NDUFA3: variants seen among roughly 807,000 people sequenced by gnomAD.
NDUFA3 encodes NADH:ubiquinone oxidoreductase subunit A3.
A neutral mutation model predicts 11.4 loss-of-function variants in NDUFA3; 10 were observed. The ratio of observed to expected loss-of-function variants is 0.87; its 90% CI spans 0.54 to 1.48. The LOEUF is 1.48. Among genes scored for constraint, NDUFA3 ranks in the 40% most tolerant of loss-of-function variants. The pLI is 0.00. For missense variants in NDUFA3, 115 were observed against 110.5 expected (o/e 1.04, Z -0.18); for synonymous variants, 39 against 46.9 (o/e 0.83, Z 0.68).
chr19:54,103,185 C>G lies in NDUFA3; in HGVS notation c.82C>G (p.Leu28Val). 1 of 1,596,326 alleles carries G rather than the reference C, an allele frequency of 6.3e-7. No homozygotes were observed. Among genetic ancestry groups the G allele is most frequent in the East Asian group, 2.2e-5 (1 of 44,590 alleles). Residue 28 changes from leucine (L) to valine (V), a missense_variant, in exon 2 of 4, where the codon CTC becomes GTC. By Grantham distance (32) the Leu-to-Val change is conservative (BLOSUM62 1). Transcript: ENST00000485876. ...VLVVSFVVGG[L>V]AVILPPLSPY... ...GGTCGTGTCCTTCGTCGTCGGGGGC[C>G]TCGGTGCGTGAGTGCTCCAGGCGCA... is the stretch of plus-strand genomic sequence containing the variant.
intron 2 of NDUFA3, among the ~76,000 whole-genome samples, chr19:54,104,036 T>A (rs2073178607): frequency 6.6e-6 from 1 of 151,230 alleles, no homozygotes; most frequent in Non-Finnish European, 1.5e-5. Flanking sequence ...GGTTTCACCG[T>A]GTTAGCCAGG....
In NDUFA3 at chr19:54,107,008, C is replaced by T. The variant is rs182486456; in HGVS notation, c.*106C>T. The T allele has an allele frequency of 3.4e-3, 5,439 of 1,606,392 alleles. 16 individuals carry two copies. The highest frequency in any genetic ancestry group is 4.0e-3 in the Non-Finnish European group (4,734 of 1,175,432). On this transcript the variant is annotated 3_prime_UTR_variant, in exon 4 of 4. Transcript: ENST00000485876. ...GTGATCAGAGGTGGGAACAAGTAGA[C>T]GGTGGCCGGGGTGAGTGTGGGGTCA...
Position 54,103,014 on chromosome 19 carries a change from A to G in NDUFA3, c.11-100A>G. On this transcript the variant is annotated intron_variant, in intron 1 of 3. Coordinates refer to ENST00000485876, the MANE Select transcript of NDUFA3 (RefSeq NM_004542.4). ...GGTCCGTGCTGGAGGGGAACGCAGA[A>G]GTCACGAGGGGGCTCCTCCAGGGCA... 4 of 1,535,696 alleles carry G rather than the reference A, an allele frequency of 2.6e-6. No individual in the cohort carries two copies. The South Asian group carries it at 4.7e-5, about 18-fold the overall frequency.
Position 54,106,852 on chromosome 19 carries a change from CACCCCCAGG to C in NDUFA3, c.210_218del (p.Asp72_Gln74del). ...TGGGAACATGCCCGACGTGCCCAGC[CACCCCCAGG>C]ACCCTCAGGGCCCCAGCCTGGAGTG... On this transcript the variant is annotated inframe_deletion, in exon 4 of 4. Transcript: ENST00000485876. The C allele has an allele frequency of 1.2e-6, 2 of 1,613,802 alleles. No homozygotes were observed. Among genetic ancestry groups the C allele is most frequent in the Non-Finnish European group, 1.7e-6 (2 of 1,179,930 alleles).
intron 2 of NDUFA3, chr19:54,105,544 C>T (rs2073231830): frequency 5.0e-6 from 2 of 403,230 alleles, no homozygotes; most frequent in Non-Finnish European, 1.0e-5. Context: ...GCTGGGATTA[C>T]AGGCTTGAGC....
At position 54,103,394 on chromosome 19, in the gene NDUFA3, C is replaced by T. The variant is rs982294183; in HGVS notation, c.85+206C>T. Reference sequence around the variant, plus strand: ...TTCCTCTCCACCTACCCAATACGCTCTTAACCCCTCTAAATGAGACGTTCT... The same window carrying T: ...TTCCTCTCCACCTACCCAATACGCTTTTAACCCCTCTAAATGAGACGTTCT... On this transcript the variant is annotated intron_variant, in intron 2 of 3. Transcript: ENST00000485876. Among the ~76,000 whole-genome samples, 9 of 152,136 alleles carry T rather than the reference C, an allele frequency of 5.9e-5. No homozygotes were observed. In the East Asian group the frequency reaches 1.5e-3, roughly 26 times the overall value.
At chr19:54,105,270 T>TTTTTTTTTTTTTTTC (rs2073224189) in intron 2 of NDUFA3, among the ~76,000 whole-genome samples, 1 of 131,888 alleles carries the variant, frequency 7.6e-6, no homozygotes, top group Non-Finnish European at 1.6e-5. Flanking sequence ...AAGGCTTTTT[T>TTTTTTTTTTTTTTTC]TTTTTTTTTT....
At chr19:54,105,603 C>T (rs1168896574) in intron 2 of NDUFA3, 1 of 567,230 alleles carries the variant, frequency 1.8e-6, no homozygotes, top group East Asian at 4.1e-5. Context: ...CCAGAACAGT[C>T]CCATGACACT....
In NDUFA3 at chr19:54,102,855, G is replaced by A. The variant is rs768050068; in HGVS notation, c.-24G>A. 3 of 1,606,564 alleles carry A rather than the reference G, an allele frequency of 1.9e-6. No homozygotes were observed. Among genetic ancestry groups the A allele is most frequent in the Non-Finnish European group, 2.6e-6 (3 of 1,176,370 alleles). ...TCCCAGGGTGCTCCGCGTCCTCGCC[G>A]CTGTCGCCGCCGCGGAGACAAAGAT... On this transcript the variant is annotated 5_prime_UTR_variant, in exon 1 of 4. Coordinates refer to ENST00000485876, the MANE Select transcript of NDUFA3 (RefSeq NM_004542.4).
intron 3 of NDUFA3, 149 bp from the exon 4 acceptor site, chr19:54,106,662 C>T (rs1234883019): frequency 4.4e-5 from 26 of 585,628 alleles, no homozygotes; most frequent in Middle Eastern, 2.6e-4. Context: ...CTGTATTTCC[C>T]GCCTCTTTCT....
At chr19:54,106,469 T>C (rs960114670) in intron 3 of NDUFA3, 1 of 377,156 alleles carries the variant, frequency 2.7e-6, no homozygotes, top group Non-Finnish European at 4.8e-6. Context: ...GCGCCTGGCC[T>C]GTGCTTCGAG....
intron 3 of NDUFA3, chr19:54,106,216 TGAGACAGA>T: frequency 1.7e-6 from 1 of 582,364 alleles, no homozygotes; most frequent in Non-Finnish European, 3.0e-6. Flanking sequence ...GGGGTTTTTT[TGAGACAGA>T]GTCTCGCTCT....
chr19:54,103,088 G>A (rs750303337), intron 1 of NDUFA3, 26 bp from the exon 2 acceptor site: 1 of 1,609,598 alleles, frequency 6.2e-7, no homozygotes, highest in Non-Finnish European at 8.5e-7. Context: ...TACTTGCAGG[G>A]GTGACGCTTC....
At position 54,106,016 on chromosome 19, in the gene NDUFA3, GT is replaced by G; in HGVS notation, c.163+6del. The G allele has an allele frequency of 6.2e-7, 1 of 1,611,074 alleles. No individual in the cohort carries two copies. The highest frequency in any genetic ancestry group is 8.5e-7 in the Non-Finnish European group (1 of 1,177,264). The stretch of plus-strand genomic sequence containing the variant: ...CCACGCCCTACAACTACCCAGGTGA[GT>G]GGGGGCCAGGCAGGGATCCCCGGAA... On this transcript the variant is annotated splice_donor_region_variant and intron_variant, in intron 3 of 3. Coordinates refer to ENST00000485876, the MANE Select transcript of NDUFA3 (RefSeq NM_004542.4).
Position 54,106,760 on chromosome 19 carries a change from C to T in NDUFA3, c.164-51C>T, listed in dbSNP as rs373088048. The T allele has an allele frequency of 2.8e-4, 412 of 1,496,448 alleles. 1 individual carries two copies. In the African/African-American group the frequency reaches 5.3e-3, roughly 19 times the overall value. 92.7% of individuals were successfully genotyped at this position (1,496,448 alleles called of 1,614,324 possible). On this transcript the variant is annotated intron_variant, in intron 3 of 3. Coordinates refer to ENST00000485876, the MANE Select transcript of NDUFA3 (RefSeq NM_004542.4). ...TAAAGCGACAGACCAGCTCTTCTCT[C>T]CAGGGCCCTGGAGACGTGCTGGTCT... is the stretch of plus-strand genomic sequence containing the variant.
intron 2 of NDUFA3, 119 bp from the exon 3 acceptor site, chr19:54,105,815 T>A: frequency 1.2e-6 from 1 of 816,684 alleles, no homozygotes; most frequent in Admixed American, 1.8e-5. Context: ...CTGGACGTGC[T>A]GGCCCTCCCT....
At position 54,105,975 on chromosome 19, in the gene NDUFA3, G is replaced by T; in HGVS notation, c.127G>T (p.Val43Phe). 3.1e-6 allele frequency: 5 copies of T among 1,613,852 alleles called. No individual in the cohort carries two copies. The highest frequency in any genetic ancestry group is 1.7e-5 in the Admixed American group (1 of 59,982). The change falls in exon 3 of 4, where the codon GTC becomes TTC. Residue 43 changes from valine (V) to phenylalanine (F), a missense_variant. Coordinates refer to ENST00000485876, the MANE Select transcript of NDUFA3 (RefSeq NM_004542.4). ...ATTGAGCCCCTACTTCAAGTACTCC[G>T]TCATGATCAACAAGGCCACGCCCTA... The part of the protein sequence containing the change: ...PPLSPYFKYS[V>F]MINKATPYNY...
At chr19:54,103,350 TCCA>T (rs2073149869) in intron 2 of NDUFA3, among the ~76,000 whole-genome samples, 162 bp downstream of exon 2, 1 of 151,810 alleles carries the variant, frequency 6.6e-6, no homozygotes. Flanking sequence ...TTATAACCTC[TCCA>T]CCATCGCCCC....
In NDUFA3 at chr19:54,107,199, A is replaced by G; in HGVS notation, c.*297A>G. 3.2e-6 allele frequency: 5 copies of G among 1,581,566 alleles called. No individual in the cohort carries two copies. The African/African-American group carries it at 6.9e-5, about 22-fold the overall frequency. The stretch of plus-strand genomic sequence containing the variant: ...AGGAGATAAGGAACAAGGTGTTAAC[A>G]GGCCTGGGAATCTAGAAAATCCCAT... On this transcript the variant is annotated 3_prime_UTR_variant, in exon 4 of 4. Coordinates refer to ENST00000485876, the MANE Select transcript of NDUFA3 (RefSeq NM_004542.4).
Sources: gnomAD v4.1 joint callset for allele counts (sites outside exome capture counted in the v4.1 genomes callset) on GRCh38, gnomAD v4.1.1 for gene constraint, MANE v1.5 for transcripts, NCBI Gene and HGNC (gene_info 2026-07-23, HGNC 2026-07-21) for gene names.